Variants in SPPL3 observed in about 807,000 individuals in gnomAD.
SPPL3 encodes the protein signal peptide peptidase-like 3.
A neutral mutation model predicts 42.4 loss-of-function variants in SPPL3; 5 were observed. That is an observed-to-expected ratio of 0.12 (90% CI 0.06 to 0.25). The LOEUF is 0.25. Ranked by LOEUF, SPPL3 falls within the 10% of genes least tolerant of loss-of-function variation. The pLI is 1.00. For synonymous variants in SPPL3, 195 were observed against 181.8 expected (o/e 1.07, Z -0.58); for missense variants, 235 against 489.0 (o/e 0.48, Z 4.90).
intron 1 of SPPL3, among the ~76,000 whole-genome samples, chr12:120,849,481 A>G (rs2137032606): frequency 6.6e-6 from 1 of 152,362 alleles, no homozygotes; most frequent in East Asian, 1.9e-4. Flanking sequence ...CAATGGCCTA[A>G]GGTTACCAAG....
intron 1 of SPPL3, among the ~76,000 whole-genome samples, chr12:120,893,714 T>TA (rs1873714531): frequency 6.6e-6 from 1 of 152,166 alleles, no homozygotes; most frequent in Admixed American, 6.6e-5. Flanking sequence ...AAAATTCTCT[T>TA]ATGCCTTTTC....
At chr12:120,813,184 A>G (rs987190001) in intron 1 of SPPL3, among the ~76,000 whole-genome samples, 1 of 152,154 alleles carries the variant, frequency 6.6e-6, no homozygotes, top group African/African-American at 2.4e-5. Flanking sequence ...ACTGGAAATT[A>G]ACCTCGTGAG....
At chr12:120,873,656 T>A (rs1018401692) in intron 1 of SPPL3, among the ~76,000 whole-genome samples, 2 of 152,050 alleles carry the variant, frequency 1.3e-5, no homozygotes, top group African/African-American at 2.4e-5. Flanking sequence ...GGGTGGATCA[T>A]GAGGTCAGGA....
intron 2 of SPPL3, among the ~76,000 whole-genome samples, chr12:120,801,296 C>A (rs191801213): frequency 6.6e-6 from 1 of 152,230 alleles, no homozygotes; most frequent in Non-Finnish European, 1.5e-5. Context: ...TGGGCCTCCT[C>A]TTCTCTCTCT....
chr12:120,763,741 G>A lies in SPPL3; in HGVS notation c.*1258C>T, dbSNP rs566350182. 31 of 152,920 alleles carry A rather than the reference G, an allele frequency of 2.0e-4. No homozygotes were observed. The highest frequency in any genetic ancestry group is 7.2e-4 in the African/African-American group (30 of 41,422). The allele number at this position is 152,920 out of a possible 1,614,324, so 9.5% of individuals were successfully genotyped here. A position where few individuals can be genotyped will look rare whatever the true frequency, so the allele number is the denominator to read the frequency against. On this transcript the variant is annotated 3_prime_UTR_variant, in exon 11 of 11. Coordinates refer to ENST00000353487, the MANE Select transcript of SPPL3 (RefSeq NM_139015.5). ...CATTTGACATGTGTCCCCAACACCC[G>A]GTTGTCACCACAGGTAAACCAAGAC...
intron 1 of SPPL3, 109 bp downstream of exon 1, chr12:120,903,736 C>CT (rs1488215618): frequency 7.7e-6 from 5 of 646,208 alleles, no homozygotes; most frequent in Non-Finnish European, 9.5e-6. Flanking sequence ...ACCCGCGCCC[C>CT]CCCCCCACGA....
intron 1 of SPPL3, among the ~76,000 whole-genome samples, chr12:120,849,877 C>T (rs146760785): frequency 2.6e-5 from 4 of 152,256 alleles, no homozygotes; most frequent in East Asian, 1.9e-4. Flanking sequence ...ATAATTCTAG[C>T]GTGAAGTATT....
Position 120,875,202 on chromosome 12 carries a change from T to C in SPPL3, c.23+28643A>G, listed in dbSNP as rs147855558. 1.7e-4 allele frequency among the ~76,000 whole-genome samples: 26 copies of C among 152,284 alleles called. 1 individual carries two copies. The highest frequency in any genetic ancestry group is 5.5e-4 in the African/African-American group (23 of 41,556). On this transcript the variant is annotated intron_variant, in intron 1 of 10. Transcript: ENST00000353487. ...CCCACAGACTAAATTGGCAATAGTGTTGTTTTAAGGCACTAATTACTGGTG... is the reference window on the plus strand; with the variant it reads ...CCCACAGACTAAATTGGCAATAGTGCTGTTTTAAGGCACTAATTACTGGTG...
At chr12:120,867,195 T>A (rs1314361705) in intron 1 of SPPL3, among the ~76,000 whole-genome samples, 1 of 152,226 alleles carries the variant, frequency 6.6e-6, no homozygotes, top group African/African-American at 2.4e-5. Context: ...TATCTAAATG[T>A]AACTTAAAAT....
chr12:120,804,258 CTAGAGA>C (rs1482072110), intron 2 of SPPL3, among the ~76,000 whole-genome samples: 1 of 151,998 alleles, frequency 6.6e-6, no homozygotes. Flanking sequence ...GAAACTGTTA[CTAGAGA>C]TAAAGAGGAA....
chr12:120,822,891 T>C (rs1401555312), intron 1 of SPPL3, among the ~76,000 whole-genome samples: 2 of 151,998 alleles, frequency 1.3e-5, no homozygotes, highest in Non-Finnish European at 2.9e-5. Context: ...CTATCTTATG[T>C]ATCACCACAT....
chr12:120,810,752 G>C, intron 2 of SPPL3, 57 bp downstream of exon 2: 1 of 1,370,624 alleles, frequency 7.3e-7, no homozygotes, highest in South Asian at 1.2e-5. Context: ...CACTTTCAGA[G>C]CAATGCTTCC....
chr12:120,852,343 T>C (rs1189522379), intron 1 of SPPL3, among the ~76,000 whole-genome samples: 4 of 72,120 alleles, frequency 5.5e-5, no homozygotes, highest in Non-Finnish European at 1.3e-4. Flanking sequence ...AATTTATATA[T>C]ACATATTTTA....
At position 120,850,492 on chromosome 12, in the gene SPPL3, T is replaced by TAAAA. The variant is rs11413210; in HGVS notation, c.24-39610_24-39607dup. ...TGGACAACATAGTGAGACCAGCCTT[T>TAAAA]AAAAAAAAAAAAAAAAAAAAACAAA... On this transcript the variant is annotated intron_variant, in intron 1 of 10. Transcript: ENST00000353487. Among the ~76,000 whole-genome samples, 10 of 119,380 alleles carry TAAAA rather than the reference T, an allele frequency of 8.4e-5. 1 individual carries two copies. The highest frequency in any genetic ancestry group is 5.4e-4 in the South Asian group (2 of 3,724). 78.3% of individuals were successfully genotyped at this position (119,380 alleles called of 152,430 possible).
chr12:120,790,389 A>G (rs959942233), intron 3 of SPPL3, among the ~76,000 whole-genome samples: 5 of 152,226 alleles, frequency 3.3e-5, no homozygotes, highest in Non-Finnish European at 5.9e-5. Context: ...AGAAACTAAG[A>G]TACACAATAA....
At chr12:120,792,082 G>C (rs1027325929) in intron 2 of SPPL3, 14 of 153,410 alleles carry the variant, frequency 9.1e-5, no homozygotes, top group South Asian at 2.1e-4. Context: ...TATATTCAAG[G>C]GGGGAGATGT....
In SPPL3 at chr12:120,873,423, A is replaced by G. The variant is rs114371844; in HGVS notation, c.23+30422T>C. The stretch of plus-strand genomic sequence containing the variant: ...CAAATTTCATAATATAATGAAAACC[A>G]TAAACTCACAGATCTAAGAAACTCA... On this transcript the variant is annotated intron_variant, in intron 1 of 10. Transcript: ENST00000353487. Among the ~76,000 whole-genome samples, 965 of 152,332 alleles carry G rather than the reference A, an allele frequency of 6.3e-3. 8 individuals carry two copies. Among genetic ancestry groups the G allele is most frequent in the African/African-American group, 0.022 (921 of 41,584 alleles).
intron 1 of SPPL3, among the ~76,000 whole-genome samples, chr12:120,829,141 T>G (rs966863196): frequency 3.3e-5 from 5 of 152,178 alleles, no homozygotes; most frequent in African/African-American, 9.7e-5. Context: ...CCTCACACTG[T>G]ATGCAAAAAC....
intron 1 of SPPL3, among the ~76,000 whole-genome samples, chr12:120,826,826 C>T (rs533295889): frequency 3.9e-5 from 6 of 151,972 alleles, no homozygotes; most frequent in South Asian, 2.1e-4. Context: ...GGAGAAAACA[C>T]CAATACAATC....
Sources: gnomAD v4.1 joint callset for allele counts (sites outside exome capture counted in the v4.1 genomes callset) on GRCh38, gnomAD v4.1.1 for gene constraint, MANE v1.5 for transcripts, NCBI Gene and HGNC (gene_info 2026-07-23, HGNC 2026-07-21) for gene names.